The following ASPH variants were observed in gnomAD, a reference collection of about 807,000 sequenced individuals.
ASPH encodes aspartyl/asparaginyl beta-hydroxylase.
A neutral mutation model predicts 118.4 loss-of-function variants in ASPH; 100 were observed. The observed-to-expected ratio is 0.84, with a 90% CI of 0.72 to 1.00. The LOEUF is 1.00. Ranked by LOEUF, ASPH falls within the 50% of genes least tolerant of loss-of-function variation. The pLI is 0.00. For missense variants in ASPH, 920 were observed against 919.5 expected (o/e 1.00, Z -0.01); for synonymous variants, 315 against 325.6 (o/e 0.97, Z 0.35).
At chr8:61,671,851 C>A (rs1239768074) in intron 3 of ASPH, among the ~76,000 whole-genome samples, 1 of 152,256 alleles carries the variant, frequency 6.6e-6, no homozygotes, top group Non-Finnish European at 1.5e-5. Context: ...ATGGATAGAT[C>A]TGTGGTTACA....
intron 14 of ASPH, chr8:61,606,596 G>T (rs1374240700): frequency 6.6e-6 from 1 of 152,186 alleles, no homozygotes; most frequent in Non-Finnish European, 1.5e-5. Context: ...ATAGATGTAG[G>T]TGCTAATTAA....
chr8:61,634,052 G>A (rs1160077906), intron 12 of ASPH, among the ~76,000 whole-genome samples: 1 of 152,184 alleles, frequency 6.6e-6, no homozygotes, highest in Non-Finnish European at 1.5e-5. Context: ...TTTGATAAGA[G>A]AGCTGTGGAA....
chr8:61,543,792 T>G (rs1298067820), intron 21 of ASPH, among the ~76,000 whole-genome samples: 1 of 152,256 alleles, frequency 6.6e-6, no homozygotes, highest in Admixed American at 6.5e-5. Flanking sequence ...TGTTCATTTT[T>G]GTTATCGTTG....
chr8:61,605,718 A>G (rs568353311), intron 14 of ASPH, among the ~76,000 whole-genome samples: 1 of 152,298 alleles, frequency 6.6e-6, no homozygotes, highest in African/African-American at 2.4e-5. Context: ...CCAGCATCAC[A>G]TTTAGCCACA....
In ASPH at chr8:61,627,693, T is replaced by C. The variant is rs540936033; in HGVS notation, c.934+5990A>G. Among the ~76,000 whole-genome samples, 3 of 152,288 alleles carry C rather than the reference T, an allele frequency of 2.0e-5. No homozygotes were observed. The East Asian group carries it at 5.8e-4, about 29-fold the overall frequency. The stretch of plus-strand genomic sequence containing the variant: ...TGGGAAAATGGAAAGTTGTTCAAAG[T>C]ATAACAATGAGTATTTATAAAAAGG... On this transcript the variant is annotated intron_variant, in intron 13 of 24. Transcript: ENST00000379454.
chr8:61,640,113 G>A (rs1804417370), intron 10 of ASPH, among the ~76,000 whole-genome samples: 1 of 152,160 alleles, frequency 6.6e-6, no homozygotes, highest in South Asian at 2.1e-4. Flanking sequence ...GATCAGGGCA[G>A]GTTTTCAGCA....
In ASPH at chr8:61,517,609, G is replaced by A; in HGVS notation, c.2045C>T (p.Pro682Leu). ...PGTHVWPHTGPTNCRLRMHLG... is the reference protein window; with the variant it reads ...PGTHVWPHTGLTNCRLRMHLG... ...GTGCATTCGGAGCCTGCAGTTTGTG[G>A]GCCCTGTGTGCGGCCACACGTGAGT... Residue 682 changes from proline (P) to leucine (L), a missense_variant, in exon 24 of 25, where the codon CCC becomes CTC. Pro to Leu is a moderately conservative substitution (Grantham distance 98). Coordinates refer to ENST00000379454, the MANE Select transcript of ASPH (RefSeq NM_004318.4). 1 of 1,614,112 alleles carries A rather than the reference G, an allele frequency of 6.2e-7. No individual in the cohort carries two copies. The highest frequency in any genetic ancestry group is 2.2e-5 in the East Asian group (1 of 44,866).
At chr8:61,601,369 C>G (rs1258315274) in intron 14 of ASPH, among the ~76,000 whole-genome samples, 1 of 150,944 alleles carries the variant, frequency 6.6e-6, no homozygotes, top group Non-Finnish European at 1.5e-5. Context: ...CGTGAAACCT[C>G]GTCTCTACTA....
chr8:61,526,096 C>T lies in ASPH; in HGVS notation c.1781G>A (p.Trp594Ter). The change falls in exon 22 of 25, where the codon TGG becomes TAG. Residue 594 changes from tryptophan to a stop codon, truncating the protein, a stop_gained. Transcript: ENST00000379454. LOFTEE classifies it high-confidence loss of function. The part of the protein sequence containing the change: ...TELVKSLERN[W>*]KLIRDEGLAV... Reference sequence around the variant, plus strand: ...AAGGCCTTCATCTCGGATTAACTTCCAGTTTCTTTCTAAAGACTAGAGGGA... The same window carrying T: ...AAGGCCTTCATCTCGGATTAACTTCTAGTTTCTTTCTAAAGACTAGAGGGA... The T allele has an allele frequency of 6.2e-7, 1 of 1,613,980 alleles. No homozygotes were observed. Among genetic ancestry groups the T allele is most frequent in the South Asian group, 1.1e-5 (1 of 91,074 alleles).
chr8:61,539,607 C>T (rs560771898), intron 21 of ASPH, among the ~76,000 whole-genome samples: 3 of 151,838 alleles, frequency 2.0e-5, no homozygotes, highest in African/African-American at 7.2e-5. Flanking sequence ...TAGGAGACTG[C>T]CTTTCCCTGG....
intron 14 of ASPH, among the ~76,000 whole-genome samples, chr8:61,600,108 GA>G (rs939574800): frequency 6.6e-6 from 1 of 151,642 alleles, no homozygotes; most frequent in African/African-American, 2.4e-5. Flanking sequence ...TTCAACATAT[GA>G]AAATAAAAAA....
chr8:61,699,214 C>T (rs1834662836), intron 1 of ASPH, among the ~76,000 whole-genome samples: 1 of 152,234 alleles, frequency 6.6e-6, no homozygotes, highest in Non-Finnish European at 1.5e-5. Flanking sequence ...ACTGAATAAA[C>T]AGGTGATGCC....
intron 1 of ASPH, among the ~76,000 whole-genome samples, chr8:61,694,701 T>C (rs1300945164): frequency 6.6e-6 from 1 of 152,192 alleles, no homozygotes; most frequent in African/African-American, 2.4e-5. Context: ...GAAAATTCTG[T>C]AATACTTGTT....
At chr8:61,685,648 T>C (rs761099498) in intron 1 of ASPH, among the ~76,000 whole-genome samples, 8 of 152,078 alleles carry the variant, frequency 5.3e-5, no homozygotes, top group Admixed American at 1.3e-4. Flanking sequence ...AAATTCTTTG[T>C]GTTAAAAGGA....
intron 14 of ASPH, among the ~76,000 whole-genome samples, chr8:61,605,681 G>C (rs1334615309): frequency 1.3e-5 from 2 of 152,090 alleles, no homozygotes; most frequent in Non-Finnish European, 2.9e-5. Flanking sequence ...GCAGACAAAA[G>C]AACAGGGCTC....
chr8:61,552,516 C>A (rs1826376450), intron 20 of ASPH, among the ~76,000 whole-genome samples: 1 of 152,136 alleles, frequency 6.6e-6, no homozygotes, highest in Admixed American at 6.5e-5. Flanking sequence ...ACACAACTAA[C>A]CATTAGGATC....
intron 13 of ASPH, 22 bp downstream of exon 13, chr8:61,633,649 AAAAGAGGAAAAT>A: frequency 6.4e-7 from 1 of 1,562,322 alleles, no homozygotes; most frequent in East Asian, 2.3e-5. Context: ...TAAGGATAAC[AAAAGAGGAAAAT>A]ACAACATACA....
chr8:61,714,253 C>A lies in ASPH; in HGVS notation c.103+16G>T. ...CGAGGCGAGGCCCCAGATCCCCGCC[C>A]CGCAGGGCCTCTGACCTCTCCGGGC... is the stretch of plus-strand genomic sequence containing the variant. On this transcript the variant is annotated intron_variant, in intron 1 of 24. Coordinates refer to ENST00000379454, the MANE Select transcript of ASPH (RefSeq NM_004318.4). The A allele has an allele frequency of 6.7e-7, 1 of 1,487,850 alleles. No homozygotes were observed. Among genetic ancestry groups the A allele is most frequent in the Non-Finnish European group, 8.9e-7 (1 of 1,122,208 alleles). The allele number at this position is 1,487,850 out of a possible 1,614,324, so 92.2% of individuals were successfully genotyped here. A position where few individuals can be genotyped will look rare whatever the true frequency, so the allele number is the denominator to read the frequency against.
intron 15 of ASPH, chr8:61,578,962 T>G: frequency 6.2e-7 from 1 of 1,611,350 alleles, no homozygotes; most frequent in Non-Finnish European, 8.5e-7. Flanking sequence ...GTGCTGTCCA[T>G]GGACAACAGC....
Sources: gnomAD v4.1 joint callset for allele counts (sites outside exome capture counted in the v4.1 genomes callset) on GRCh38, gnomAD v4.1.1 for gene constraint, MANE v1.5 for transcripts, NCBI Gene and HGNC (gene_info 2026-07-23, HGNC 2026-07-21) for gene names.